Variants in DAB1 observed in about 807,000 individuals in gnomAD.
DAB1 encodes disabled homolog 1.
A neutral mutation model predicts 64.6 loss-of-function variants in DAB1; 15 were observed. The ratio of observed to expected loss-of-function variants is 0.23; its 90% CI spans 0.16 to 0.36. DAB1 has a LOEUF of 0.36. DAB1 is among the 10% of genes least tolerant of loss of function. DAB1 has a pLI of 1.00. For synonymous variants in DAB1, 235 were observed against 251.9 expected (o/e 0.93, Z 0.64); for missense variants, 596 against 706.7 (o/e 0.84, Z 1.78).
chr1:57,815,229 C>T (rs1651801393), intron 6 of DAB1, among the ~76,000 whole-genome samples: 2 of 152,032 alleles, frequency 1.3e-5, no homozygotes, highest in East Asian at 1.9e-4. Context: ...CCACCACACC[C>T]GGCTAATTTT....
At chr1:57,166,395 C>T (rs1198227962) in intron 2 of DAB1, among the ~76,000 whole-genome samples, 2 of 152,068 alleles carry the variant, frequency 1.3e-5, no homozygotes, top group South Asian at 2.1e-4. Flanking sequence ...AATTATAAGG[C>T]CTTTGTATAA....
At chr1:57,076,740 A>C (rs1293701762) in intron 4 of DAB1, among the ~76,000 whole-genome samples, 1 of 152,234 alleles carries the variant, frequency 6.6e-6, no homozygotes, top group Non-Finnish European at 1.5e-5. Flanking sequence ...CATGTTGCCC[A>C]TCCAAGGAAC....
chr1:58,182,343 G>A (rs145705883), intron 4 of DAB1, among the ~76,000 whole-genome samples: 6 of 151,722 alleles, frequency 4.0e-5, no homozygotes, highest in African/African-American at 1.5e-4. Flanking sequence ...ATTAAATTTG[G>A]TGAGTTTTTG....
At chr1:57,419,798 G>A (rs1465568132) in intron 1 of DAB1, among the ~76,000 whole-genome samples, 1 of 152,222 alleles carries the variant, frequency 6.6e-6, no homozygotes, top group African/African-American at 2.4e-5. Flanking sequence ...AGCTGGCCAA[G>A]GCCACACAGC....
intron 3 of DAB1, chr1:58,480,792 C>A (rs1645466350): frequency 1.8e-5 from 9 of 504,646 alleles, no homozygotes; most frequent in Non-Finnish European, 3.1e-5. Flanking sequence ...TAAAATACAT[C>A]AATATTTCAT....
chr1:57,393,482 C>T (rs1001489926), intron 1 of DAB1, among the ~76,000 whole-genome samples: 4 of 151,700 alleles, frequency 2.6e-5, no homozygotes, highest in East Asian at 1.9e-4. Flanking sequence ...GCTTGAGCCC[C>T]GGAGTTCGAG....
intron 4 of DAB1, among the ~76,000 whole-genome samples, chr1:58,297,655 T>A (rs1168247467): frequency 2.0e-5 from 3 of 152,108 alleles, no homozygotes; most frequent in Non-Finnish European, 4.4e-5. Context: ...TTATAATAAA[T>A]GTTAAAATAG....
chr1:58,455,721 T>A (rs930775196), intron 3 of DAB1, among the ~76,000 whole-genome samples: 1 of 152,170 alleles, frequency 6.6e-6, no homozygotes, highest in Non-Finnish European at 1.5e-5. Context: ...TGCCTTTCCT[T>A]TAAAAAACAA....
intron 6 of DAB1, among the ~76,000 whole-genome samples, chr1:57,817,143 G>T (rs1285341459): frequency 6.6e-6 from 1 of 152,126 alleles, no homozygotes; most frequent in Non-Finnish European, 1.5e-5. Flanking sequence ...CTTAAATTGT[G>T]CCAGGCACAT....
intron 2 of DAB1, among the ~76,000 whole-genome samples, chr1:57,192,154 TA>T (rs1042384469): frequency 6.6e-6 from 1 of 151,908 alleles, no homozygotes; most frequent in African/African-American, 2.4e-5. Context: ...CTGTCTCTAC[TA>T]AAAATACAAA....
At chr1:57,124,768 T>C (rs996804450) in intron 4 of DAB1, among the ~76,000 whole-genome samples, 2 of 152,100 alleles carry the variant, frequency 1.3e-5, no homozygotes, top group African/African-American at 4.8e-5. Flanking sequence ...GTGATCACAA[T>C]AGAAATATTT....
At chr1:57,470,632 C>T (rs1345036147) in intron 7 of DAB1, among the ~76,000 whole-genome samples, 1 of 152,104 alleles carries the variant, frequency 6.6e-6, no homozygotes, top group Non-Finnish European at 1.5e-5. Context: ...ATTCCCTATT[C>T]CCAGGTGGCC....
chr1:57,998,962 T>C (rs1164617477), intron 5 of DAB1, among the ~76,000 whole-genome samples: 8 of 152,192 alleles, frequency 5.3e-5, no homozygotes, highest in African/African-American at 7.2e-5. Context: ...CTGCAGGGAA[T>C]TGGTCCCACT....
intron 6 of DAB1, among the ~76,000 whole-genome samples, chr1:57,748,253 A>C (rs1329452917): frequency 3.3e-5 from 5 of 152,166 alleles, no homozygotes; most frequent in African/African-American, 1.2e-4. Context: ...GGTGTGATTC[A>C]TTTATTCTGC....
chr1:58,297,976 C>A (rs553762429), intron 4 of DAB1, among the ~76,000 whole-genome samples: 1 of 152,078 alleles, frequency 6.6e-6, no homozygotes, highest in Non-Finnish European at 1.5e-5. Context: ...CCTCCATTGT[C>A]AGATCAACCA....
At chr1:58,211,756 C>T (rs1457158580) in intron 4 of DAB1, among the ~76,000 whole-genome samples, 5 of 152,196 alleles carry the variant, frequency 3.3e-5, no homozygotes, top group East Asian at 3.9e-4. Context: ...ACTGAGACAA[C>T]GAGAGATGAA....
At chr1:57,850,556 G>A (rs570807655) in intron 1 of DAB1, among the ~76,000 whole-genome samples, 1 of 151,990 alleles carries the variant, frequency 6.6e-6, no homozygotes, top group African/African-American at 2.4e-5. Context: ...CACCTCATAG[G>A]GGAAATCCTT....
intron 4 of DAB1, among the ~76,000 whole-genome samples, chr1:58,250,750 G>A (rs978438587): frequency 6.6e-6 from 1 of 152,182 alleles, no homozygotes; most frequent in African/African-American, 2.4e-5. Context: ...GCAGTCTTCA[G>A]TTTGCAGTTC....
intron 1 of DAB1, among the ~76,000 whole-genome samples, chr1:57,349,646 C>T (rs1352742785): frequency 6.6e-6 from 1 of 152,178 alleles, no homozygotes; most frequent in Non-Finnish European, 1.5e-5. Context: ...GATTAACATA[C>T]AGCCTACCAT....
Sources: allele counts gnomAD v4.1 joint callset (sites outside exome capture counted in the v4.1 genomes callset), GRCh38; gene constraint gnomAD v4.1.1; transcripts MANE v1.5; gene names NCBI Gene and HGNC (gene_info 2026-07-23, HGNC 2026-07-21).